Variants in UBAP2 observed in about 807,000 individuals in gnomAD.
The protein encoded by UBAP2 is ubiquitin associated protein 2.
In UBAP2, 75 loss-of-function variants were observed where a neutral mutation model predicts 139.6. The observed-to-expected ratio is 0.54, with a 90% CI of 0.45 to 0.65. The LOEUF (loss-of-function observed/expected upper bound fraction) is 0.65, where lower values mean the gene tolerates loss of function less well. UBAP2 is among the 30% of genes least tolerant of loss of function. UBAP2 has a pLI of 0.00. For missense variants in UBAP2, 1,368 were observed against 1,369.6 expected (o/e 1.00, Z 0.02); for synonymous variants, 526 against 526.2 (o/e 1.00, Z 0.01).
intron 6 of UBAP2, among the ~76,000 whole-genome samples, chr9:33,976,014 A>G (rs1474409246): frequency 6.6e-6 from 1 of 152,124 alleles, no homozygotes; most frequent in Admixed American, 6.6e-5. Flanking sequence ...CCAGGAGTTC[A>G]AAACCAGCCT....
At chr9:33,993,751 T>A (rs1174684323) in intron 4 of UBAP2, among the ~76,000 whole-genome samples, 1 of 152,154 alleles carries the variant, frequency 6.6e-6, no homozygotes, top group Non-Finnish European at 1.5e-5. Flanking sequence ...CCTGAACAAG[T>A]GTATTCTTTC....
chr9:33,959,521 G>C (rs1826854080), intron 10 of UBAP2, among the ~76,000 whole-genome samples: 1 of 152,094 alleles, frequency 6.6e-6, no homozygotes, highest in Non-Finnish European at 1.5e-5. Context: ...AAGAGTTCTA[G>C]AACTTGACAG....
At chr9:34,037,425 G>A (rs1021079878) in intron 1 of UBAP2, among the ~76,000 whole-genome samples, 2 of 152,192 alleles carry the variant, frequency 1.3e-5, no homozygotes, top group Non-Finnish European at 2.9e-5. Flanking sequence ...GAGAGCCACT[G>A]CGCCCAGCCC....
chr9:34,005,226 G>A (rs1163704432), intron 2 of UBAP2, among the ~76,000 whole-genome samples: 4 of 148,624 alleles, frequency 2.7e-5, no homozygotes, highest in Non-Finnish European at 4.4e-5. Flanking sequence ...TCTCACCACT[G>A]TACTCCAGCC....
intron 18 of UBAP2, 108 bp downstream of exon 18, chr9:33,933,382 T>G (rs1460058638): frequency 7.8e-7 from 1 of 1,288,550 alleles, no homozygotes; most frequent in Non-Finnish European, 1.1e-6. Flanking sequence ...GCCCAGGACA[T>G]CACGTCAGAG....
At chr9:33,946,233 A>G (rs1825645336) in intron 13 of UBAP2, among the ~76,000 whole-genome samples, 1 of 151,960 alleles carries the variant, frequency 6.6e-6, no homozygotes, top group African/African-American at 2.4e-5. Flanking sequence ...TACTCTTTTT[A>G]TATTAAGGAA....
chr9:33,925,395 A>G (rs1823340168), intron 22 of UBAP2, among the ~76,000 whole-genome samples: 1 of 152,182 alleles, frequency 6.6e-6, no homozygotes, highest in Non-Finnish European at 1.5e-5. Flanking sequence ...CTAGGCTCAC[A>G]AGCAGCAGAG....
At chr9:34,013,559 A>G (rs1823959698) in intron 2 of UBAP2, among the ~76,000 whole-genome samples, 1 of 152,060 alleles carries the variant, frequency 6.6e-6, no homozygotes, top group African/African-American at 2.4e-5. Flanking sequence ...CTAACATAAC[A>G]CTGGACATTT....
intron 2 of UBAP2, among the ~76,000 whole-genome samples, chr9:34,002,058 G>A (rs920761152): frequency 4.6e-5 from 7 of 151,770 alleles, no homozygotes; most frequent in South Asian, 2.1e-4. Flanking sequence ...CCAGGCTCAA[G>A]CACTCCTCTG....
At chr9:33,998,594 A>C in intron 3 of UBAP2, 193 bp downstream of exon 3, 3 of 530,584 alleles carry the variant, frequency 5.7e-6, no homozygotes. Flanking sequence ...AGGCAGGTGA[A>C]CGTATTCAAT....
chr9:33,932,654 T>C (rs376158241), intron 18 of UBAP2, 26 bp from the exon 19 acceptor site: 1 of 1,612,854 alleles, frequency 6.2e-7, no homozygotes, highest in African/African-American at 1.3e-5. Context: ...GAGCGCCGTA[T>C]GTCCACCTGA....
At chr9:33,927,115 G>T in intron 20 of UBAP2, 35 bp from the exon 21 acceptor site, 1 of 1,535,402 alleles carries the variant, frequency 6.5e-7, no homozygotes, top group Non-Finnish European at 8.9e-7. Context: ...GAGTGAAATG[G>T]TCACCACAAA....
At chr9:33,944,869 G>T (rs1825533758) in intron 13 of UBAP2, among the ~76,000 whole-genome samples, 1 of 152,162 alleles carries the variant, frequency 6.6e-6, no homozygotes, top group African/African-American at 2.4e-5. Context: ...TAAGCATAGG[G>T]AGTGATGAAC....
intron 1 of UBAP2, among the ~76,000 whole-genome samples, chr9:34,047,799 T>C (rs1358064978): frequency 6.6e-6 from 1 of 152,194 alleles, no homozygotes; most frequent in African/African-American, 2.4e-5. Flanking sequence ...GGGCAACATA[T>C]GGAGACCATA....
chr9:33,966,114 G>A (rs1827433245), intron 8 of UBAP2, among the ~76,000 whole-genome samples: 1 of 151,786 alleles, frequency 6.6e-6, no homozygotes, highest in Non-Finnish European at 1.5e-5. Context: ...AATTGTTTAG[G>A]CTACTTTAGT....
chr9:33,977,197 C>A (rs1316411843), intron 6 of UBAP2, among the ~76,000 whole-genome samples: 1 of 151,464 alleles, frequency 6.6e-6, no homozygotes, highest in Non-Finnish European at 1.5e-5. Context: ...TGCCACCACG[C>A]CTGGCTGATT....
intron 2 of UBAP2, among the ~76,000 whole-genome samples, chr9:34,007,620 G>GTT (rs1231890257): frequency 2.0e-5 from 3 of 150,584 alleles, no homozygotes; most frequent in South Asian, 4.2e-4. Flanking sequence ...ATGATCATAT[G>GTT]TTTTTTGTCC....
chr9:34,043,837 G>GAA (rs11435340), intron 1 of UBAP2, among the ~76,000 whole-genome samples: 13 of 148,564 alleles, frequency 8.8e-5, no homozygotes, highest in South Asian at 2.1e-4. Flanking sequence ...GTTTCAGGGG[G>GAA]AAAAAAAAGG....
At chr9:34,022,524 C>T (rs1354708214) in intron 1 of UBAP2, among the ~76,000 whole-genome samples, 1 of 150,582 alleles carries the variant, frequency 6.6e-6, no homozygotes, top group Non-Finnish European at 1.5e-5. Context: ...CAACTTCTGC[C>T]TTCCAGGTTC....
Sources: gnomAD v4.1 joint callset for allele counts (sites outside exome capture counted in the v4.1 genomes callset) on GRCh38, gnomAD v4.1.1 for gene constraint, MANE v1.5 for transcripts, NCBI Gene and HGNC (gene_info 2026-07-23, HGNC 2026-07-21) for gene names.